Variants in HGS observed in about 807,000 individuals in gnomAD.
HGS encodes hepatocyte growth factor-regulated tyrosine kinase substrate, also known as human growth factor-regulated tyrosine kinase substrate.
HGS carries 63 observed loss-of-function variants against 109.7 expected under a neutral mutation model. That is an observed-to-expected ratio of 0.57 (90% CI 0.47 to 0.71). HGS has a LOEUF of 0.71. Among genes scored for constraint, HGS ranks in the 30% least tolerant of loss-of-function variants. The probability of loss-of-function intolerance (pLI) is 0.00; values close to 1 mark genes in which losing one functional copy is unlikely to be tolerated. For missense variants in HGS, 995 were observed against 1,068.3 expected, an observed-to-expected ratio of 0.93 and a Z score of 0.96; for synonymous variants, 546 against 437.3, an observed-to-expected ratio of 1.25 and a Z score of -3.10.
rs982517980 is a variant in HGS at position 81,691,309 on chromosome 17, A to G, written c.538-138A>G. 180 of 1,047,862 alleles carry G rather than the reference A, an allele frequency of 1.7e-4. 1 individual carries two copies. The highest frequency in any genetic ancestry group is 1.4e-3 in the Middle Eastern group (5 of 3,658). 64.9% of individuals were successfully genotyped at this position (1,047,862 alleles called of 1,614,324 possible). ...GGTTCCCCGGCCTTAGGGTCTTCCC[A>G]GGCACTTGTTCTGCTTGTCCCTTGC... On this transcript the variant is annotated intron_variant, in intron 7 of 21. Coordinates refer to ENST00000329138, the MANE Select transcript of HGS (RefSeq NM_004712.5). This position sits in a 1 kb window ranked among gnomAD's most constrained non-coding sequence, Gnocchi z 5.3.
At chr17:81,700,411 T>A in intron 18 of HGS, 56 bp from the exon 19 acceptor site, 1 of 1,452,312 alleles carries the variant, frequency 6.9e-7, no homozygotes, top group Admixed American at 2.4e-5. Flanking sequence ...AGGGTGTCCC[T>A]TCCTCTCCTC....
At chr17:81,687,218 G>A in intron 4 of HGS, 123 bp downstream of exon 4, 1 of 699,120 alleles carries the variant, frequency 1.4e-6, no homozygotes, top group South Asian at 1.7e-5. Flanking sequence ...GTGCAGATCG[G>A]TGGTCCCTGC....
At chr17:81,689,473 G>A (rs1463686623) in intron 5 of HGS, among the ~76,000 whole-genome samples, 1 of 133,810 alleles carries the variant, frequency 7.5e-6, no homozygotes, top group Non-Finnish European at 1.7e-5. Flanking sequence ...GGGGCTTCAG[G>A]ATGCATTTGG....
chr17:81,700,886 G>A, intron 20 of HGS, 72 bp downstream of exon 20: 2 of 1,575,582 alleles, frequency 1.3e-6, no homozygotes, highest in South Asian at 2.3e-5. Context: ...GTCCTTTGGT[G>A]AGGCTGGCAG....
At chr17:81,701,366 C>CGCATGAGCTGGCT (rs755710729) in intron 21 of HGS, 142 bp from the exon 22 acceptor site, 10 of 977,718 alleles carry the variant, frequency 1.0e-5, no homozygotes, top group Middle Eastern at 6.5e-4. Context: ...AGGCAAAGGC[C>CGCATGAGCTGGCT]GCATGAGCTG....
intron 3 of HGS, among the ~76,000 whole-genome samples, chr17:81,686,737 G>C (rs549355245): frequency 5.1e-4 from 77 of 152,256 alleles, no homozygotes; most frequent in Admixed American, 4.6e-4. Flanking sequence ...CCACTGGCCT[G>C]ACGGGCCTGT....
At chr17:81,695,092 C>G (rs1691375150) in intron 13 of HGS, 25 bp downstream of exon 13, 1 of 1,612,322 alleles carries the variant, frequency 6.2e-7, no homozygotes, top group Non-Finnish European at 8.5e-7. Context: ...CCCGGCATTC[C>G]TAGTGGCAGG....
Position 81,691,777 on chromosome 17 carries a change from GCCGCGGCTCCAGGGA to G in HGS, c.662+210_662+224del. ...GGCAGGTGGGTGTGAGAGACAGGGC[GCCGCGGCTCCAGGGA>G]CCGAGGCTGCCCCGACAAACCTGTT... On this transcript the variant is annotated intron_variant, in intron 8 of 21. Coordinates refer to ENST00000329138, the MANE Select transcript of HGS (RefSeq NM_004712.5). The surrounding 1 kb of genome is among the most constrained non-coding windows in gnomAD (Gnocchi z 5.3). The G allele has an allele frequency of 1.8e-6, 1 of 562,982 alleles. No individual in the cohort carries two copies. The highest frequency in any genetic ancestry group is 3.1e-5 in the Admixed American group (1 of 32,134). 34.9% of individuals were successfully genotyped at this position (562,982 alleles called of 1,614,324 possible).
intron 1 of HGS, 77 bp from the exon 2 acceptor site, chr17:81,685,528 A>G: frequency 2.2e-6 from 2 of 906,430 alleles, no homozygotes; most frequent in Non-Finnish European, 3.5e-6. Context: ...AGTCCCCCCC[A>G]GCTGCTGCCA....
intron 7 of HGS, 60 bp downstream of exon 7, chr17:81,690,802 A>G: frequency 6.8e-7 from 1 of 1,476,424 alleles, no homozygotes; most frequent in Non-Finnish European, 9.4e-7. Context: ...CCTGCCGTGC[A>G]CAAGGCCACC....
chr17:81,684,034 GC>G lies in HGS; in HGVS notation c.-30del. The G allele has an allele frequency of 6.3e-7, 1 of 1,580,172 alleles. No individual in the cohort carries two copies. Among genetic ancestry groups the G allele is most frequent in the South Asian group, 1.1e-5 (1 of 87,702 alleles). ...GCGCGCCAGCTCGTAGCAGGGGAGCGCCCGCGGCGTCGGGTTTGGGCTGGAG... is the reference window on the plus strand; with the variant it reads ...GCGCGCCAGCTCGTAGCAGGGGAGCGCCGCGGCGTCGGGTTTGGGCTGGAG... On this transcript the variant is annotated 5_prime_UTR_variant, in exon 1 of 22. Transcript: ENST00000329138.
Position 81,684,064 on chromosome 17 carries a change from GCCAT to G in HGS, c.-2_2del. 1 of 1,593,508 alleles carries G rather than the reference GCCAT, an allele frequency of 6.3e-7. No homozygotes were observed. Among genetic ancestry groups the G allele is most frequent in the Non-Finnish European group, 8.5e-7 (1 of 1,172,488 alleles). ...CGGCGTCGGGTTTGGGCTGGAGGTC[GCCAT>G]GGGGCGAGGCAGCGGCACCTTCGAG... is the stretch of plus-strand genomic sequence containing the variant. On this transcript the variant is annotated start_lost and 5_prime_UTR_variant, in exon 1 of 22. Coordinates refer to ENST00000329138, the MANE Select transcript of HGS (RefSeq NM_004712.5).
In HGS at chr17:81,690,349, G is replaced by A. The variant is rs2037044226; in HGVS notation, c.468+115G>A. ...GGTGGCTGAGCTCTCGTCTGTCTGG[G>A]ACCTGAGGATGCCTGTGTGTCCTGG... On this transcript the variant is annotated intron_variant, in intron 6 of 21. Coordinates refer to ENST00000329138, the MANE Select transcript of HGS (RefSeq NM_004712.5). 2.7e-6 allele frequency: 3 copies of A among 1,092,368 alleles called. No individual in the cohort carries two copies. In the African/African-American group the frequency reaches 4.7e-5, roughly 17 times the overall value. 67.7% of individuals were successfully genotyped at this position (1,092,368 alleles called of 1,614,324 possible). A position where few individuals can be genotyped will look rare whatever the true frequency, so the allele number is the denominator to read the frequency against.
At chr17:81,689,422 T>C (rs546838059) in intron 5 of HGS, among the ~76,000 whole-genome samples, 5 of 152,290 alleles carry the variant, frequency 3.3e-5, no homozygotes, top group Admixed American at 1.3e-4. Context: ...CTCTCGGCCA[T>C]TGTGGCCGTG....
chr17:81,698,768 T>A (rs2037191537), intron 18 of HGS, among the ~76,000 whole-genome samples: 1 of 152,194 alleles, frequency 6.6e-6, no homozygotes. Context: ...TCTTTGTATA[T>A]GATAAAAACC....
Position 81,701,674 on chromosome 17 carries a change from C to A in HGS, c.*56C>A. The A allele has an allele frequency of 6.6e-7, 1 of 1,508,978 alleles. No homozygotes were observed. Among genetic ancestry groups the A allele is most frequent in the South Asian group, 1.2e-5 (1 of 82,888 alleles). The allele number at this position is 1,508,978 out of a possible 1,614,324, so 93.5% of individuals were successfully genotyped here. ...TACATACAGTTCACCTGAAACGCCT[C>A]GTCTCTAACTGCCGTCGTCCTGCCT... On this transcript the variant is annotated 3_prime_UTR_variant, in exon 22 of 22. Transcript: ENST00000329138.
chr17:81,693,677 G>A lies in HGS; in HGVS notation c.765G>A (p.Thr255=), dbSNP rs376453834. ...AGCTGCCCCCCAAGAGGGACGAGAC[G>A]GCCCTGCAGGAGGAGGAGGAGCTGC... ...QSQLPPKRDE[T]ALQEEEELQL... Residue 255 remains threonine (T), a synonymous_variant, in exon 10 of 22, where the codon ACG becomes ACA. Coordinates refer to ENST00000329138, the MANE Select transcript of HGS (RefSeq NM_004712.5). 2.1e-5 allele frequency: 33 copies of A among 1,554,140 alleles called. No homozygotes were observed. The highest frequency in any genetic ancestry group is 7.1e-5 in the East Asian group (3 of 42,092).
At chr17:81,685,339 T>C (rs2036961161) in intron 1 of HGS, among the ~76,000 whole-genome samples, 1 of 152,218 alleles carries the variant, frequency 6.6e-6, no homozygotes, top group South Asian at 2.1e-4. Context: ...CCCTCGCCTC[T>C]CTGCTGAGTG....
intron 2 of HGS, 81 bp downstream of exon 2, chr17:81,685,770 C>A: frequency 9.9e-7 from 1 of 1,010,190 alleles, no homozygotes; most frequent in Non-Finnish European, 1.5e-6. Context: ...GTTGGGTCTC[C>A]ACGACGTAGC....
Sources: gnomAD v4.1 joint callset for allele counts (sites outside exome capture counted in the v4.1 genomes callset) on GRCh38, gnomAD v4.1.1 for gene constraint, Gnocchi (gnomAD v3.1) non-coding constraint, MANE v1.5 for transcripts, NCBI Gene and HGNC (gene_info 2026-07-23, HGNC 2026-07-21) for gene names.